C4BPA: variants seen among roughly 807,000 people sequenced by gnomAD.
The protein encoded by C4BPA is C4b-binding protein alpha chain.
Under a neutral mutation model 63.7 loss-of-function variants are expected in C4BPA, and 31 were observed. That is an observed-to-expected ratio of 0.49 (90% CI 0.37 to 0.66). The LOEUF (loss-of-function observed/expected upper bound fraction) is 0.66, where lower values mean the gene tolerates loss of function less well. C4BPA is among the 30% of genes least tolerant of loss of function. The pLI, the probability that C4BPA is intolerant of heterozygous loss-of-function variation, is 0.00. For missense variants in C4BPA, 572 were observed against 723.3 expected (o/e 0.79, Z 2.40); for synonymous variants, 259 against 254.7 (o/e 1.02, Z -0.16).
intron 3 of C4BPA, 55 bp downstream of exon 3, chr1:207,114,340 C>G: frequency 7.3e-6 from 10 of 1,366,434 alleles, no homozygotes; most frequent in Non-Finnish European, 1.0e-5. Context: ...GGAAAGTTGT[C>G]TCAGAAACTA....
intron 9 of C4BPA, among the ~76,000 whole-genome samples, 192 bp from the exon 10 acceptor site, chr1:207,140,914 C>A (rs905052953): frequency 6.6e-6 from 1 of 152,130 alleles, no homozygotes. Context: ...ATATCTCGAG[C>A]CTTTCTATGG....
chr1:207,117,781 T>C (rs10864081), intron 4 of C4BPA, among the ~76,000 whole-genome samples: 90,629 of 151,930 alleles, frequency 0.6, 27,983 homozygotes, highest in East Asian at 0.73. Context: ...ACAGGGAAGG[T>C]ATCTTTCCTG....
chr1:207,124,177 G>A lies in C4BPA; in HGVS notation c.517G>A (p.Val173Ile), dbSNP rs1313741608. The change falls in exon 6 of 12, where the codon GTC (valine) becomes ATC (isoleucine). Residue 173 changes from valine to isoleucine, a missense_variant and splice_region_variant. Physicochemically the swap from Val to Ile is conservative, Grantham distance 29. Coordinates refer to ENST00000367070, the MANE Select transcript of C4BPA (RefSeq NM_000715.4). The part of the protein sequence containing the change: ...WSHPLPQCEI[V>I]KCKPPPDIRN... ...TTCTCTTCACTCACTTACCTCAGTT[G>A]TCAAGTGTAAGCCTCCTCCAGACAT... is the stretch of plus-strand genomic sequence containing the variant. The A allele has an allele frequency of 6.2e-7, 1 of 1,612,826 alleles. No homozygotes were observed. Among genetic ancestry groups the A allele is most frequent in the South Asian group, 1.1e-5 (1 of 91,048 alleles).
intron 4 of C4BPA, among the ~76,000 whole-genome samples, chr1:207,120,191 G>A (rs926939578): frequency 2.6e-5 from 4 of 152,036 alleles, no homozygotes; most frequent in Non-Finnish European, 4.4e-5. Flanking sequence ...TTGCATGAGG[G>A]TCCAGAGTTG....
At chr1:207,117,303 T>A (rs181304287) in intron 4 of C4BPA, among the ~76,000 whole-genome samples, 2 of 152,128 alleles carry the variant, frequency 1.3e-5, no homozygotes, top group East Asian at 3.9e-4. Flanking sequence ...TTAAAAACAT[T>A]AGCCGAGTGT....
chr1:207,123,815 T>C (rs1684969292), intron 4 of C4BPA, 107 bp from the exon 5 acceptor site: 3 of 669,894 alleles, frequency 4.5e-6, no homozygotes, highest in Non-Finnish European at 7.8e-6. Context: ...CAAGAACATA[T>C]GATTTCCTTA....
At chr1:207,108,214 A>G (rs1047329405) in intron 1 of C4BPA, among the ~76,000 whole-genome samples, 15 of 152,334 alleles carry the variant, frequency 9.8e-5, no homozygotes, top group African/African-American at 3.1e-4. Flanking sequence ...GATAAAGAGG[A>G]AAGTGTAATA....
intron 9 of C4BPA, among the ~76,000 whole-genome samples, chr1:207,138,736 T>C (rs912327138): frequency 7.2e-5 from 11 of 152,288 alleles, no homozygotes; most frequent in East Asian, 1.9e-4. Flanking sequence ...GTAACCCCAG[T>C]ATGAATTATG....
At chr1:207,141,791 G>A (rs753526004) in intron 10 of C4BPA, among the ~76,000 whole-genome samples, 5 of 152,118 alleles carry the variant, frequency 3.3e-5, no homozygotes, top group Non-Finnish European at 7.4e-5. Flanking sequence ...GACAGGAGGA[G>A]TTGAGATCAG....
chr1:207,125,593 T>G (rs1685022040), intron 6 of C4BPA, among the ~76,000 whole-genome samples: 1 of 152,100 alleles, frequency 6.6e-6, no homozygotes, highest in African/African-American at 2.4e-5. Context: ...CCCTTCTGTC[T>G]TGTGAGGACA....
intron 6 of C4BPA, 75 bp downstream of exon 6, chr1:207,124,441 T>C (rs776460300): frequency 4.3e-6 from 5 of 1,156,600 alleles, no homozygotes; most frequent in Non-Finnish European, 6.2e-6. Flanking sequence ...GGTAAATTTA[T>C]TGGGGGGCAA....
Position 207,114,120 on chromosome 1 carries a change from A to G in C4BPA, c.163A>G (p.Thr55Ala), listed in dbSNP as rs759844205. The G allele has an allele frequency of 5.6e-6, 9 of 1,612,766 alleles. No homozygotes were observed. The highest frequency in any genetic ancestry group is 6.8e-6 in the Non-Finnish European group (8 of 1,179,300). Reference protein sequence around the residue: ...AVLGNCGPPPTLSFAAPMDIT... With the variant: ...AVLGNCGPPPALSFAAPMDIT... ...TCCAGGCAATTGTGGTCCTCCACCC[A>G]CTTTATCATTTGCTGCCCCGATGGA... The change falls in exon 3 of 12, where the codon ACT becomes GCT. Residue 55 changes from threonine (T) to alanine (A), a missense_variant. Coordinates refer to ENST00000367070, the MANE Select transcript of C4BPA (RefSeq NM_000715.4).
At position 207,141,179 on chromosome 1, in the gene C4BPA, G is replaced by T. The variant is rs201262669; in HGVS notation, c.1347G>T (p.Glu449Asp). Residue 449 changes from glutamate (E) to aspartate (D), a missense_variant, in exon 10 of 12, where the codon GAG becomes GAT. Around this residue, in one of 2 missense-constraint regions of C4BPA, gnomAD observed 465 missense variants for 629.4 expected, o/e 0.74. Transcript: ENST00000367070. ...QSSSYSFFKEEIIYECDKGYI... is the reference protein window; with the variant it reads ...QSSSYSFFKEDIIYECDKGYI... ...GTTCATACAGCTTTTTCAAAGAAGA[G>T]ATTATATATGAATGTGATAAAGGCT... The T allele has an allele frequency of 5.0e-6, 8 of 1,613,620 alleles. 1 individual carries two copies. In the Admixed American group the frequency reaches 1.3e-4, roughly 27 times the overall value.
chr1:207,114,502 T>C (rs928129910), intron 3 of C4BPA, among the ~76,000 whole-genome samples: 2 of 136,154 alleles, frequency 1.5e-5, no homozygotes, highest in African/African-American at 2.8e-5. Flanking sequence ...TTTTTTTTTT[T>C]TTTTTTTTTG....
chr1:207,118,517 T>C (rs981058405), intron 4 of C4BPA, among the ~76,000 whole-genome samples: 1 of 152,058 alleles, frequency 6.6e-6, no homozygotes, highest in African/African-American at 2.4e-5. Context: ...GAAAAGCCCC[T>C]CATAAAACCA....
intron 4 of C4BPA, among the ~76,000 whole-genome samples, chr1:207,120,052 T>G (rs1163829641): frequency 6.6e-6 from 1 of 152,160 alleles, no homozygotes; most frequent in Non-Finnish European, 1.5e-5. Context: ...CCAGTATGTC[T>G]GGGTGCCCTG....
rs1167826400 is a variant in C4BPA, at chr1:207,131,634, T to C, written c.978T>C (p.Thr326=). ...PTKEDVYVVG[T]VLRYRCHPGY... ...AAGAGGATGTGTATGTTGTTGGGAC[T>C]GTGTTAAGGTACCGCTGTCATCCTG... The change falls in exon 8 of 12, where the codon ACT becomes ACC. Residue 326 remains threonine, a synonymous_variant. Coordinates refer to ENST00000367070, the MANE Select transcript of C4BPA (RefSeq NM_000715.4). 2 of 1,613,414 alleles carry C rather than the reference T, an allele frequency of 1.2e-6. No individual in the cohort carries two copies. Among genetic ancestry groups the C allele is most frequent in the Non-Finnish European group, 8.5e-7 (1 of 1,179,398 alleles).
chr1:207,131,484 A>T, intron 7 of C4BPA, 62 bp from the exon 8 acceptor site: 1 of 1,196,316 alleles, frequency 8.4e-7, no homozygotes, highest in Non-Finnish European at 1.2e-6. Context: ...AGGCTTATTG[A>T]CTGCTGTGGC....
chr1:207,139,463 C>T (rs1304656737), intron 9 of C4BPA, among the ~76,000 whole-genome samples: 3 of 151,976 alleles, frequency 2.0e-5, no homozygotes, highest in Admixed American at 1.3e-4. Flanking sequence ...ACTTTATTTG[C>T]CTTGGGGAGA....
Sources: gnomAD v4.1 joint callset for allele counts (sites outside exome capture counted in the v4.1 genomes callset) on GRCh38, gnomAD v4.1.1 for gene constraint, gnomAD v4.1.1 regional missense constraint, MANE v1.5 for transcripts, NCBI Gene and HGNC (gene_info 2026-07-23, HGNC 2026-07-21) for gene names.